Variants in ATP8A1 observed in about 807,000 individuals in gnomAD.
The protein encoded by ATP8A1 is phospholipid-transporting ATPase IA.
A neutral mutation model predicts 177.7 loss-of-function variants in ATP8A1; 90 were observed. The ratio of observed to expected loss-of-function variants is 0.51; its 90% CI spans 0.43 to 0.60. The LOEUF is 0.60. Among genes scored for constraint, ATP8A1 ranks in the 20% least tolerant of loss-of-function variants. The pLI is 0.00. For missense variants in ATP8A1, 1,072 were observed against 1,392.8 expected (o/e 0.77, Z 3.67); for synonymous variants, 493 against 485.9 (o/e 1.01, Z -0.19).
chr4:42,468,234 C>T lies in ATP8A1; in HGVS notation c.2325-3158G>A, dbSNP rs139807119. 1.3e-3 allele frequency among the ~76,000 whole-genome samples: 196 copies of T among 152,180 alleles called. 2 individuals are homozygous for T. The East Asian group carries it at 0.032, about 25-fold the overall frequency. Reference sequence around the variant, plus strand: ...CAGCAATCCCACTATGGGGTATCTACCCAGAGGAAAATAAGTCATTATACA... The same window carrying T: ...CAGCAATCCCACTATGGGGTATCTATCCAGAGGAAAATAAGTCATTATACA... On this transcript the variant is annotated intron_variant, in intron 25 of 36. Coordinates refer to ENST00000381668, the MANE Select transcript of ATP8A1 (RefSeq NM_006095.2).
In ATP8A1 at chr4:42,579,836, T is replaced by C. The variant is rs769242917; in HGVS notation, c.977A>G (p.Lys326Arg). The C allele has an allele frequency of 3.7e-6, 6 of 1,613,710 alleles. No individual in the cohort carries two copies. The South Asian group carries it at 5.5e-5, about 15-fold the overall frequency. ...ACAGTTTAGATTGAGATACCAGTCT[T>C]TTCCAGAATGCCTTCGATTCCAAAT... ...SAIWNRRHSG[K>R]DWYLNLNYGG... The change falls in exon 11 of 37, where the codon AAA becomes AGA. Residue 326 changes from lysine (K) to arginine (R), a missense_variant. Coordinates refer to ENST00000381668, the MANE Select transcript of ATP8A1 (RefSeq NM_006095.2).
chr4:42,603,936 T>C (rs537041901), intron 5 of ATP8A1, among the ~76,000 whole-genome samples: 18 of 152,224 alleles, frequency 1.2e-4, no homozygotes, highest in Non-Finnish European at 2.6e-4. Context: ...TGCTCAGAAC[T>C]CTTCAGTTGG....
intron 22 of ATP8A1, among the ~76,000 whole-genome samples, chr4:42,512,998 T>C (rs1266105939): frequency 6.6e-6 from 1 of 152,216 alleles, no homozygotes; most frequent in Non-Finnish European, 1.5e-5. Flanking sequence ...ACAGACAACA[T>C]GTAAACAAAT....
intron 24 of ATP8A1, among the ~76,000 whole-genome samples, chr4:42,496,039 G>A (rs1033297871): frequency 2.0e-5 from 3 of 152,224 alleles, no homozygotes; most frequent in South Asian, 2.1e-4. Context: ...GGAAGAGGAA[G>A]TTGTAGTGCT....
At chr4:42,537,700 A>G (rs371195365) in intron 20 of ATP8A1, among the ~76,000 whole-genome samples, 1 of 152,226 alleles carries the variant, frequency 6.6e-6, no homozygotes, top group African/African-American at 2.4e-5. Flanking sequence ...AATATACCTG[A>G]CCAAGGAGGT....
At chr4:42,654,130 G>C (rs1741391426) in intron 1 of ATP8A1, among the ~76,000 whole-genome samples, 1 of 152,200 alleles carries the variant, frequency 6.6e-6, no homozygotes, top group African/African-American at 2.4e-5. Flanking sequence ...CTTCGAGTTT[G>C]AGAAGCACTG....
At chr4:42,551,163 T>C (rs372120853) in intron 18 of ATP8A1, 35 bp downstream of exon 18, 3 of 1,523,312 alleles carry the variant, frequency 2.0e-6, no homozygotes, top group African/African-American at 1.4e-5. Context: ...ATGTATTACT[T>C]GGATTAAAAA....
intron 27 of ATP8A1, chr4:42,459,535 G>T: frequency 2.9e-6 from 1 of 346,538 alleles, no homozygotes; most frequent in Non-Finnish European, 5.8e-6. Context: ...TCAGTGTTCT[G>T]GAATGAGAAG....
chr4:42,417,369 T>C (rs1451198025), intron 35 of ATP8A1, among the ~76,000 whole-genome samples: 1 of 151,804 alleles, frequency 6.6e-6, no homozygotes, highest in Admixed American at 6.6e-5. Context: ...ACCTTCTCAC[T>C]AAAACCACAT....
intron 33 of ATP8A1, among the ~76,000 whole-genome samples, chr4:42,427,722 G>T (rs1433757347): frequency 1.3e-5 from 2 of 152,200 alleles, no homozygotes; most frequent in Admixed American, 1.3e-4. Context: ...CCTGAAAAGG[G>T]CCCATGGCCA....
intron 33 of ATP8A1, among the ~76,000 whole-genome samples, chr4:42,442,656 A>G (rs962677740): frequency 2.6e-5 from 4 of 152,254 alleles, no homozygotes; most frequent in African/African-American, 9.6e-5. Flanking sequence ...GCTAATTTAT[A>G]AAAAGCAGGA....
rs117785928 is a variant in ATP8A1, at chr4:42,527,652, C to G, written c.1723-2805G>C. 2.8e-4 allele frequency among the ~76,000 whole-genome samples: 42 copies of G among 152,264 alleles called. No individual in the cohort carries two copies. In the East Asian group the frequency reaches 7.5e-3, roughly 27 times the overall value. On this transcript the variant is annotated intron_variant, in intron 20 of 36. Coordinates refer to ENST00000381668, the MANE Select transcript of ATP8A1 (RefSeq NM_006095.2). ...ACTAGACTAAAGTCCCAGCGAGTCC[C>G]TAGACGTGAGGATGAGAGTGTGACT...
At chr4:42,555,124 T>A (rs1273684373) in intron 16 of ATP8A1, among the ~76,000 whole-genome samples, 106 of 97,104 alleles carry the variant, frequency 1.1e-3, no homozygotes, top group African/African-American at 4.7e-3. Flanking sequence ...TATCTATCTA[T>A]CTATCTATCT....
rs370861276 is a variant in ATP8A1, at chr4:42,625,603, C to G, written c.264+11G>C. 1.9e-6 allele frequency: 3 copies of G among 1,558,748 alleles called. No homozygotes were observed. The highest frequency in any genetic ancestry group is 2.3e-5 in the East Asian group (1 of 43,948). ...CTGAACATTTGACAAGGTTTTATGA[C>G]GTGACTTTACCTGCAGCAGTGCAAT... On this transcript the variant is annotated intron_variant, in intron 3 of 36. Transcript: ENST00000381668.
At position 42,574,763 on chromosome 4, in the gene ATP8A1, T is replaced by C. The variant is rs373092553; in HGVS notation, c.1207-56A>G. 27 of 1,240,526 alleles carry C rather than the reference T, an allele frequency of 2.2e-5. No homozygotes were observed. The East Asian group carries it at 3.5e-4, about 16-fold the overall frequency. The allele number at this position is 1,240,526 out of a possible 1,614,324, so 76.8% of individuals were successfully genotyped here. ...TTTGAAAGTCTTTATGCCACTCTTT[T>C]ACAGAGAAACCCCTCATGCTTTTTA... is the stretch of plus-strand genomic sequence containing the variant. On this transcript the variant is annotated intron_variant, in intron 13 of 36. Transcript: ENST00000381668.
chr4:42,595,197 A>G (rs1361344168), intron 6 of ATP8A1, among the ~76,000 whole-genome samples: 2 of 152,130 alleles, frequency 1.3e-5, no homozygotes, highest in Non-Finnish European at 2.9e-5. Context: ...AATAGATGGA[A>G]AAAAAAGACT....
intron 35 of ATP8A1, among the ~76,000 whole-genome samples, chr4:42,422,084 T>G (rs529607814): frequency 3.0e-4 from 46 of 152,292 alleles, no homozygotes; most frequent in African/African-American, 1.1e-3. Flanking sequence ...ACTATGATTT[T>G]GATTACATAC....
intron 34 of ATP8A1, among the ~76,000 whole-genome samples, 192 bp downstream of exon 34, chr4:42,423,425 C>T (rs945122853): frequency 1.4e-4 from 21 of 152,108 alleles, no homozygotes; most frequent in Non-Finnish European, 2.5e-4. Context: ...TGAAACTACC[C>T]GCTTTACTAC....
chr4:42,451,952 C>T lies in ATP8A1; in HGVS notation c.2896+29G>A, dbSNP rs377720331. 13 of 1,470,974 alleles carry T rather than the reference C, an allele frequency of 8.8e-6. No individual in the cohort carries two copies. In the African/African-American group the frequency reaches 1.8e-4, roughly 21 times the overall value. The allele number at this position is 1,470,974 out of a possible 1,614,324, so 91.1% of individuals were successfully genotyped here. ...TTTTTCTAAAAAAGTAAAAAGTCAT[C>T]TCTTTGCATTCATATCCCTTCTACT... is the stretch of plus-strand genomic sequence containing the variant. On this transcript the variant is annotated intron_variant, in intron 30 of 36. Coordinates refer to ENST00000381668, the MANE Select transcript of ATP8A1 (RefSeq NM_006095.2).
Sources: gnomAD v4.1 joint callset for allele counts (sites outside exome capture counted in the v4.1 genomes callset) on GRCh38, gnomAD v4.1.1 for gene constraint, MANE v1.5 for transcripts, NCBI Gene and HGNC (gene_info 2026-07-23, HGNC 2026-07-21) for gene names.